Variants in CTH observed in about 807,000 individuals in gnomAD.
The protein encoded by CTH is cystathionine gamma-lyase.
A neutral mutation model predicts 50.6 loss-of-function variants in CTH; 41 were observed. That is an observed-to-expected ratio of 0.81 (90% CI 0.63 to 1.05). The LOEUF is 1.05. Among genes scored for constraint, CTH ranks in the 50% least tolerant of loss-of-function variants. CTH has a pLI of 0.00. For synonymous variants in CTH, 156 were observed against 168.9 expected (o/e 0.92, Z 0.59); for missense variants, 470 against 492.6 (o/e 0.95, Z 0.43).
intron 2 of CTH, 147 bp from the exon 3 acceptor site, chr1:70,417,790 T>C (rs1381464519): frequency 9.8e-6 from 7 of 712,650 alleles, no homozygotes; most frequent in Non-Finnish European, 1.7e-5. Flanking sequence ...AAAAGGAGAT[T>C]TTGTAATGGT....
At chr1:70,416,649 C>T (rs562802551) in intron 2 of CTH, among the ~76,000 whole-genome samples, 190 of 151,788 alleles carry the variant, frequency 1.3e-3, no homozygotes, top group African/African-American at 4.3e-3. Flanking sequence ...CTGCAACCTC[C>T]GCCTCCTGGA....
intron 9 of CTH, among the ~76,000 whole-genome samples, chr1:70,434,201 T>C (rs1684545781): frequency 6.6e-6 from 1 of 152,252 alleles, no homozygotes; most frequent in Non-Finnish European, 1.5e-5. Context: ...TGCATTTATT[T>C]AAAAGTGAAC....
chr1:70,423,916 TG>T (rs1684286795), intron 4 of CTH, among the ~76,000 whole-genome samples: 1 of 152,262 alleles, frequency 6.6e-6, no homozygotes, highest in Non-Finnish European at 1.5e-5. Context: ...ACACAATCTA[TG>T]TTATTCATCT....
chr1:70,415,450 G>A (rs2101728277), intron 1 of CTH, among the ~76,000 whole-genome samples: 1 of 152,106 alleles, frequency 6.6e-6, no homozygotes, highest in East Asian at 1.9e-4. Flanking sequence ...CTTAGGAAAT[G>A]AAATACAGGT....
Position 70,439,251 on chromosome 1 carries a change from T to G in CTH, c.*124T>G, listed in dbSNP as rs1381663309. The G allele has an allele frequency of 1.2e-6, 1 of 844,276 alleles. No individual in the cohort carries two copies. The highest frequency in any genetic ancestry group is 2.0e-6 in the Non-Finnish European group (1 of 493,190). The allele number at this position is 844,276 out of a possible 1,614,324, so 52.3% of individuals were successfully genotyped here. On this transcript the variant is annotated 3_prime_UTR_variant, in exon 12 of 12. Transcript: ENST00000370938. ...GAAATTTTAAGGCACCTCATTATCT[T>G]TCATAACTGTAATTTTCTTAGGGAT...
At chr1:70,430,476 G>T (rs1157450891) in intron 7 of CTH, 82 bp downstream of exon 7, 3 of 749,976 alleles carry the variant, frequency 4.0e-6, no homozygotes, top group Admixed American at 3.8e-5. Flanking sequence ...GTGATGTGAA[G>T]TGATGGCATT....
At chr1:70,436,464 G>C (rs1452974704) in intron 10 of CTH, among the ~76,000 whole-genome samples, 2 of 152,074 alleles carry the variant, frequency 1.3e-5, no homozygotes, top group Non-Finnish European at 1.5e-5. Flanking sequence ...GCAGGGTTAA[G>C]TCAACATCAT....
At chr1:70,414,485 A>G (rs1025477195) in intron 1 of CTH, among the ~76,000 whole-genome samples, 2 of 151,282 alleles carry the variant, frequency 1.3e-5, no homozygotes, top group Non-Finnish European at 1.5e-5. Flanking sequence ...ACAGAGCGAG[A>G]CTCCCTTTCA....
At chr1:70,433,768 C>T (rs921725802) in intron 8 of CTH, 60 bp from the exon 9 acceptor site, 2 of 1,608,700 alleles carry the variant, frequency 1.2e-6, no homozygotes, top group Admixed American at 1.7e-5. Flanking sequence ...TACCACCCTC[C>T]CCCCCCAAAA....
At chr1:70,418,082 A>G (rs368448673) in intron 3 of CTH, 50 bp downstream of exon 3, 104 of 1,590,280 alleles carry the variant, frequency 6.5e-5, no homozygotes, top group Non-Finnish European at 8.3e-5. Flanking sequence ...TTTACAGATA[A>G]TAAAGTGAGC....
rs182919782 is a variant in CTH at position 70,416,271 on chromosome 1, G to A, written c.250+234G>A. Among the ~76,000 whole-genome samples, 23 of 152,186 alleles carry A rather than the reference G, an allele frequency of 1.5e-4. No individual in the cohort carries two copies. The East Asian group carries it at 4.2e-3, about 28-fold the overall frequency. ...AATGAATAAAGGAAAAAATTCACAC[G>A]AATACTACATTTATTAATACTACAT... On this transcript the variant is annotated intron_variant, in intron 2 of 11. Transcript: ENST00000370938.
At chr1:70,422,821 A>G (rs955729703) in intron 4 of CTH, among the ~76,000 whole-genome samples, 1 of 152,068 alleles carries the variant, frequency 6.6e-6, no homozygotes, top group Admixed American at 6.6e-5. Context: ...CTTGTTGGCC[A>G]GGCTGATCTT....
intron 11 of CTH, 66 bp downstream of exon 11, chr1:70,438,892 G>C (rs1684658998): frequency 1.9e-6 from 3 of 1,604,554 alleles, no homozygotes; most frequent in Non-Finnish European, 1.7e-6. Context: ...GGGCATGGGG[G>C]GTCACTATAT....
chr1:70,417,816 C>G (rs1282600920), intron 2 of CTH, 121 bp from the exon 3 acceptor site: 1 of 984,560 alleles, frequency 1.0e-6, no homozygotes, highest in South Asian at 1.4e-5. Context: ...TCAGGGGCCT[C>G]TAGCAACTCA....
At chr1:70,433,987 A>C (rs753154094) in intron 9 of CTH, 38 bp downstream of exon 9, 6 of 1,611,412 alleles carry the variant, frequency 3.7e-6, no homozygotes, top group Non-Finnish European at 5.1e-6. Flanking sequence ...GTAGGAGGTA[A>C]GGCCTTACAG....
At chr1:70,419,572 C>T (rs1684167589) in intron 3 of CTH, among the ~76,000 whole-genome samples, 2 of 152,066 alleles carry the variant, frequency 1.3e-5, no homozygotes, top group Non-Finnish European at 2.9e-5. Flanking sequence ...CTCTGATGGC[C>T]AGTGATGATA....
intron 2 of CTH, among the ~76,000 whole-genome samples, chr1:70,416,324 A>G (rs1458352627): frequency 1.3e-5 from 2 of 152,172 alleles, no homozygotes; most frequent in African/African-American, 4.8e-5. Flanking sequence ...TGTGAAAACA[A>G]TCTTCATCTG....
At position 70,432,670 on chromosome 1, in the gene CTH, TTCTC is replaced by T. The variant is rs779619263; in HGVS notation, c.877+445_877+448del. On this transcript the variant is annotated intron_variant, in intron 8 of 11. Coordinates refer to ENST00000370938, the MANE Select transcript of CTH (RefSeq NM_001902.6). Reference sequence around the variant, plus strand: ...ATTAGGTGCTAAAATTCCCCTGAGGTTCTCTCTCTCTCTTTTTTTTTTTTTTTTT... The same window carrying T: ...ATTAGGTGCTAAAATTCCCCTGAGGTTCTCTCTCTTTTTTTTTTTTTTTTT... Among the ~76,000 whole-genome samples the T allele has an allele frequency of 4.6e-3, 655 of 143,312 alleles. 16 individuals are homozygous for T. The highest frequency in any genetic ancestry group is 0.021 in the Middle Eastern group (6 of 284). 94.0% of individuals were successfully genotyped at this position (143,312 alleles called of 152,430 possible).
At chr1:70,437,368 T>C (rs1447675528) in intron 10 of CTH, among the ~76,000 whole-genome samples, 1 of 152,210 alleles carries the variant, frequency 6.6e-6, no homozygotes, top group Non-Finnish European at 1.5e-5. Context: ...TTAATGTCTG[T>C]GACAAACCTT....
Sources: allele counts gnomAD v4.1 joint callset (sites outside exome capture counted in the v4.1 genomes callset), GRCh38; gene constraint gnomAD v4.1.1; transcripts MANE v1.5; gene names NCBI Gene and HGNC (gene_info 2026-07-23, HGNC 2026-07-21).